The following ABCA10 variants were observed in gnomAD, a reference collection of about 807,000 sequenced individuals.
ABCA10 encodes ATP binding cassette subfamily A member 10.
A neutral mutation model predicts 187.5 loss-of-function variants in ABCA10; 169 were observed. The observed-to-expected ratio is 0.90, with a 90% CI of 0.80 to 1.02. The LOEUF is 1.02. Among genes scored for constraint, ABCA10 ranks in the 50% least tolerant of loss-of-function variants. The pLI, the probability that ABCA10 is intolerant of heterozygous loss-of-function variation, is 0.00. For missense variants in ABCA10, 1,727 were observed against 1,812.4 expected (o/e 0.95, Z 0.86); for synonymous variants, 574 against 601.8 (o/e 0.95, Z 0.68).
chr17:69,156,947 G>T, intron 27 of ABCA10, 24 bp from the exon 28 acceptor site: 1 of 1,424,338 alleles, frequency 7.0e-7, no homozygotes, highest in Non-Finnish European at 9.6e-7. Flanking sequence ...AAAATAATCA[G>T]AATTAGCATC....
At chr17:69,149,185 A>T (rs2074110149) in intron 37 of ABCA10, 97 bp from the exon 38 acceptor site, 3 of 1,354,316 alleles carry the variant, frequency 2.2e-6, no homozygotes, top group East Asian at 4.6e-5. Context: ...TTGTTTAGAT[A>T]CTGTAAGATA....
At chr17:69,187,367 A>T (rs2074429807) in intron 19 of ABCA10, among the ~76,000 whole-genome samples, 1 of 152,134 alleles carries the variant, frequency 6.6e-6, no homozygotes, top group Non-Finnish European at 1.5e-5. Flanking sequence ...TGCTAATCCC[A>T]GGACCCACCC....
intron 9 of ABCA10, among the ~76,000 whole-genome samples, chr17:69,210,789 T>A (rs1418462315): frequency 6.8e-6 from 1 of 147,808 alleles, no homozygotes; most frequent in Non-Finnish European, 1.5e-5. Flanking sequence ...ATTATATATA[T>A]GTATATATAT....
At chr17:69,167,545 A>C (rs1178352271) in intron 25 of ABCA10, among the ~76,000 whole-genome samples, 1 of 152,180 alleles carries the variant, frequency 6.6e-6, no homozygotes, top group Non-Finnish European at 1.5e-5. Context: ...TAGGGTGGGG[A>C]GTGAAGGGTT....
At chr17:69,156,142 C>T (rs1318698383) in intron 28 of ABCA10, among the ~76,000 whole-genome samples, 4 of 152,148 alleles carry the variant, frequency 2.6e-5, no homozygotes, top group Non-Finnish European at 5.9e-5. Flanking sequence ...ACATTGTATC[C>T]TATCTGTCAA....
rs72337114 is a variant in ABCA10 at position 69,177,993 on chromosome 17, T to TTA, written c.2770-2482_2770-2481dup. 7.4e-4 allele frequency among the ~76,000 whole-genome samples: 81 copies of TTA among 110,166 alleles called. 1 individual carries two copies. Among genetic ancestry groups the TTA allele is most frequent in the African/African-American group, 2.0e-3 (65 of 33,062 alleles). 72.3% of individuals were successfully genotyped at this position (110,166 alleles called of 152,430 possible). A position where few individuals can be genotyped will look rare whatever the true frequency, so the allele number is the denominator to read the frequency against. On this transcript the variant is annotated intron_variant, in intron 22 of 38. Transcript: ENST00000690296. ...AAAAAAATATATATATATATATATG[T>TTA]TATATATATATATAGTGAAATAATA...
At chr17:69,170,063 G>A (rs1391470255) in intron 25 of ABCA10, among the ~76,000 whole-genome samples, 1 of 152,140 alleles carries the variant, frequency 6.6e-6, no homozygotes, top group African/African-American at 2.4e-5. Context: ...CAAGGTAGGC[G>A]GGTCACCTGA....
At chr17:69,207,990 C>T (rs2074604158) in intron 9 of ABCA10, among the ~76,000 whole-genome samples, 1 of 152,088 alleles carries the variant, frequency 6.6e-6, no homozygotes, top group South Asian at 2.1e-4. Context: ...TGACTAAGTT[C>T]ACAATGTATA....
intron 1 of ABCA10, among the ~76,000 whole-genome samples, 200 bp downstream of exon 1, chr17:69,228,381 T>G (rs900593407): frequency 3.9e-5 from 6 of 151,958 alleles, no homozygotes; most frequent in Non-Finnish European, 8.8e-5. Context: ...CTAGCCATCT[T>G]TCATTTATCA....
chr17:69,236,606 A>G (rs181623918), intron 1 of ABCA10, among the ~76,000 whole-genome samples: 10 of 152,324 alleles, frequency 6.6e-5, no homozygotes, highest in African/African-American at 2.2e-4. Flanking sequence ...TGTATGGAAA[A>G]ACTACAGAAA....
intron 9 of ABCA10, among the ~76,000 whole-genome samples, chr17:69,210,166 A>C (rs1306782122): frequency 2.7e-4 from 15 of 56,228 alleles, no homozygotes; most frequent in African/African-American, 3.5e-4. Context: ...TTTAGTGGTT[A>C]TTTCTTTTTT....
intron 9 of ABCA10, among the ~76,000 whole-genome samples, chr17:69,204,151 T>C (rs897370556): frequency 6.6e-6 from 1 of 152,224 alleles, no homozygotes; most frequent in Non-Finnish European, 1.5e-5. Flanking sequence ...CTGTGCCATG[T>C]ACATTTGGAA....
chr17:69,199,546 C>T lies in ABCA10; in HGVS notation c.1175+1954G>A, dbSNP rs2074528893. Among the ~76,000 whole-genome samples the T allele has an allele frequency of 2.0e-5, 3 of 152,152 alleles. No individual in the cohort carries two copies. In the South Asian group the frequency reaches 6.2e-4, roughly 32 times the overall value. ...GGATGACACTGTATGCAGGTTTAGA[C>T]AGGCTAGAACTGTCACAATTATCTG... On this transcript the variant is annotated intron_variant, in intron 10 of 38. Coordinates refer to ENST00000690296, the MANE Select transcript of ABCA10 (RefSeq NM_001377321.1).
chr17:69,179,010 T>C (rs1481055199), intron 22 of ABCA10: 1 of 152,076 alleles, frequency 6.6e-6, no homozygotes, highest in African/African-American at 2.4e-5. Flanking sequence ...TTATATACAT[T>C]GCAAGAGAAG....
intron 25 of ABCA10, among the ~76,000 whole-genome samples, chr17:69,173,520 A>C (rs1367064632): frequency 6.6e-6 from 1 of 152,176 alleles, no homozygotes; most frequent in Non-Finnish European, 1.5e-5. Context: ...AAAAAGAGAG[A>C]GTCAAAGTGT....
At chr17:69,192,987 T>C in intron 15 of ABCA10, 123 bp downstream of exon 15, 2 of 1,384,308 alleles carry the variant, frequency 1.4e-6, no homozygotes, top group Non-Finnish European at 1.9e-6. Context: ...ATGTGGAGGC[T>C]TGAAATGGGC....
chr17:69,150,047 C>A lies in ABCA10; in HGVS notation c.4414G>T (p.Ala1472Ser). 1 of 1,612,114 alleles carries A rather than the reference C, an allele frequency of 6.2e-7. No homozygotes were observed. Among genetic ancestry groups the A allele is most frequent in the Non-Finnish European group, 8.5e-7 (1 of 1,178,870 alleles). ...ACATCCTCCACAGGTAACTTATACG[C>A]CATTAAAGAGGAATATCTGTCAGGA... Reference protein sequence around the residue: ...AWQERYSSLMAYKLPVEDVHP... With the variant: ...AWQERYSSLMSYKLPVEDVHP... The change falls in exon 37 of 39, where the codon GCG becomes TCG. Residue 1472 changes from alanine (A) to serine (S), a missense_variant. Ala to Ser is a moderately conservative substitution (Grantham distance 99). Coordinates refer to ENST00000690296, the MANE Select transcript of ABCA10 (RefSeq NM_001377321.1).
intron 6 of ABCA10, among the ~76,000 whole-genome samples, chr17:69,218,096 C>T (rs930121706): frequency 1.3e-5 from 2 of 152,024 alleles, no homozygotes; most frequent in South Asian, 2.1e-4. Context: ...ATACATGTAT[C>T]AAGATACCAC....
At chr17:69,153,630 T>C in intron 32 of ABCA10, 84 bp from the exon 33 acceptor site, 1 of 1,513,666 alleles carries the variant, frequency 6.6e-7, no homozygotes, top group Non-Finnish European at 9.0e-7. Flanking sequence ...TAAGCACTAT[T>C]ATTCTAGATA....
Sources: allele counts gnomAD v4.1 joint callset (sites outside exome capture counted in the v4.1 genomes callset), GRCh38; gene constraint gnomAD v4.1.1; transcripts MANE v1.5; gene names NCBI Gene and HGNC (gene_info 2026-07-23, HGNC 2026-07-21).